Variants in ROBO2 observed in about 807,000 individuals in gnomAD.
The protein encoded by ROBO2 is roundabout homolog 2.
In ROBO2, 53 loss-of-function variants were observed where a neutral mutation model predicts 160.8. The ratio of observed to expected loss-of-function variants is 0.33; its 90% confidence interval spans 0.26 to 0.41. The LOEUF is 0.41. Among genes scored for constraint, ROBO2 ranks in the 10% least tolerant of loss-of-function variants. The probability of loss-of-function intolerance (pLI) is 1.00; values close to 1 mark genes in which losing one functional copy is unlikely to be tolerated. For synonymous variants in ROBO2, 664 were observed against 611.7 expected (o/e 1.09, Z -1.26); for missense variants, 1,577 against 1,722.4 (o/e 0.92, Z 1.49).
intron 2 of ROBO2, among the ~76,000 whole-genome samples, chr3:77,153,705 G>A (rs560146829): frequency 1.4e-4 from 21 of 152,064 alleles, no homozygotes; most frequent in African/African-American, 4.1e-4. Flanking sequence ...CTACCAACAC[G>A]CAAAAGGTCA....
intron 5 of ROBO2, among the ~76,000 whole-genome samples, chr3:77,499,019 T>A (rs990370067): frequency 6.6e-6 from 1 of 152,230 alleles, no homozygotes; most frequent in African/African-American, 2.4e-5. Flanking sequence ...GAAAAATCTT[T>A]ATTTTTTATG....
intron 2 of ROBO2, among the ~76,000 whole-genome samples, chr3:76,604,284 G>A (rs1479346422): frequency 6.6e-6 from 1 of 152,220 alleles, no homozygotes; most frequent in Admixed American, 6.5e-5. Context: ...GCAGTATGTG[G>A]ATAATTGTGC....
At chr3:76,134,631 A>G (rs968347149) in intron 2 of ROBO2, among the ~76,000 whole-genome samples, 11 of 152,022 alleles carry the variant, frequency 7.2e-5, no homozygotes, top group African/African-American at 2.7e-4. Context: ...AAAGATCATA[A>G]GCTTCACAGG....
At chr3:76,988,045 G>T (rs1211563551) in intron 2 of ROBO2, among the ~76,000 whole-genome samples, 1 of 151,930 alleles carries the variant, frequency 6.6e-6, no homozygotes, top group African/African-American at 2.4e-5. Context: ...ACTTTATTTG[G>T]TAATTAAAAG....
chr3:76,686,476 A>G (rs2062676423), intron 2 of ROBO2, among the ~76,000 whole-genome samples: 1 of 148,674 alleles, frequency 6.7e-6, no homozygotes. Context: ...CCTGCTAAGG[A>G]TCTTATATAA....
intron 20 of ROBO2, among the ~76,000 whole-genome samples, chr3:77,604,231 CT>C (rs917323327): frequency 3.3e-5 from 5 of 152,084 alleles, no homozygotes; most frequent in African/African-American, 1.2e-4. Flanking sequence ...TATAGGAGAA[CT>C]TTTTGAATAA....
At chr3:76,389,539 T>C (rs925067856) in intron 2 of ROBO2, among the ~76,000 whole-genome samples, 4 of 152,232 alleles carry the variant, frequency 2.6e-5, no homozygotes, top group African/African-American at 7.2e-5. Context: ...TCTCCAAATA[T>C]ATGACTGCAT....
intron 6 of ROBO2, among the ~76,000 whole-genome samples, chr3:77,523,276 A>G (rs2090799429): frequency 3.3e-5 from 5 of 151,422 alleles, no homozygotes; most frequent in South Asian, 4.1e-4. Context: ...TCTGTTTACT[A>G]GTTTGTCACT....
At chr3:77,221,625 A>G (rs1311114747) in intron 2 of ROBO2, among the ~76,000 whole-genome samples, 1 of 152,008 alleles carries the variant, frequency 6.6e-6, no homozygotes, top group Admixed American at 6.6e-5. Context: ...GTGTTCCCCA[A>G]ATGAAAATAA....
intron 2 of ROBO2, among the ~76,000 whole-genome samples, chr3:77,165,121 G>C (rs1397628152): frequency 3.3e-5 from 5 of 151,892 alleles, no homozygotes; most frequent in East Asian, 3.9e-4. Flanking sequence ...GAATGGAAAG[G>C]GGGGAAAGGC....
chr3:77,219,651 C>T (rs2085518520), intron 2 of ROBO2, among the ~76,000 whole-genome samples: 1 of 151,038 alleles, frequency 6.6e-6, no homozygotes, highest in South Asian at 2.1e-4. Context: ...TCATTTAGCT[C>T]CTGTTAGCAT....
chr3:76,437,483 T>C (rs1390542093), intron 2 of ROBO2, among the ~76,000 whole-genome samples: 1 of 152,154 alleles, frequency 6.6e-6, no homozygotes, highest in Admixed American at 6.5e-5. Context: ...ATCCTGCCAA[T>C]GATTTGGGAA....
At chr3:76,836,238 T>C (rs1360902451) in intron 2 of ROBO2, among the ~76,000 whole-genome samples, 1 of 151,932 alleles carries the variant, frequency 6.6e-6, no homozygotes, top group African/African-American at 2.4e-5. Context: ...ACTTCCTTAA[T>C]GTAGGACGTT....
At chr3:77,087,294 G>A (rs2069457120) in intron 1 of ROBO2, among the ~76,000 whole-genome samples, 1 of 152,000 alleles carries the variant, frequency 6.6e-6, no homozygotes, top group South Asian at 2.1e-4. Context: ...TTGTTTCATT[G>A]CATCACCTTT....
intron 18 of ROBO2, among the ~76,000 whole-genome samples, 186 bp from the exon 20 acceptor site, chr3:77,596,437 C>A (rs114880886): frequency 2.0e-5 from 3 of 152,108 alleles, no homozygotes; most frequent in African/African-American, 7.2e-5. Context: ...GGACTCCCTG[C>A]GTCCACTGTT....
At chr3:76,534,475 A>G (rs756872864) in intron 2 of ROBO2, among the ~76,000 whole-genome samples, 3 of 152,222 alleles carry the variant, frequency 2.0e-5, no homozygotes, top group Non-Finnish European at 2.9e-5. Context: ...CCCATTTACC[A>G]TAGGTGTGAG....
intron 7 of ROBO2, among the ~76,000 whole-genome samples, chr3:77,549,296 C>T (rs2092823979): frequency 1.3e-5 from 2 of 151,980 alleles, no homozygotes; most frequent in South Asian, 4.1e-4. Flanking sequence ...AATTAGTATT[C>T]TAATGGCTAA....
chr3:77,572,084 A>T (rs1180229149), intron 13 of ROBO2, among the ~76,000 whole-genome samples: 1 of 152,038 alleles, frequency 6.6e-6, no homozygotes, highest in Non-Finnish European at 1.5e-5. Flanking sequence ...AAAACCAAAC[A>T]TGGATAAAAC....
chr3:75,993,373 G>A (rs964757455), intron 2 of ROBO2, among the ~76,000 whole-genome samples: 1 of 152,116 alleles, frequency 6.6e-6, no homozygotes, highest in African/African-American at 2.4e-5. Context: ...CCCTGCACAA[G>A]CCCTCTCTCT....
Sources: allele counts gnomAD v4.1 joint callset (sites outside exome capture counted in the v4.1 genomes callset), GRCh38; gene constraint gnomAD v4.1.1; transcripts MANE v1.5; gene names NCBI Gene and HGNC (gene_info 2026-07-23, HGNC 2026-07-21).